The following CLNK variants were observed in gnomAD, a reference collection of about 807,000 sequenced individuals.
CLNK encodes the protein cytokine-dependent hematopoietic cell linker.
In CLNK, 74 loss-of-function variants were observed where a neutral mutation model predicts 68.6. The ratio of observed to expected loss-of-function variants is 1.08; its 90% confidence interval spans 0.89 to 1.31. CLNK has a LOEUF of 1.31. CLNK is among the 50% of genes most tolerant of loss of function. The pLI, the probability that CLNK is intolerant of heterozygous loss-of-function variation, is 0.00. For missense variants in CLNK, 553 were observed against 515.3 expected, an observed-to-expected ratio of 1.07 and a Z score of -0.71; for synonymous variants, 198 against 172.2, an observed-to-expected ratio of 1.15 and a Z score of -1.17.
At chr4:10,525,373 G>A (rs1718268181) in intron 14 of CLNK, among the ~76,000 whole-genome samples, 1 of 152,160 alleles carries the variant, frequency 6.6e-6, no homozygotes, top group South Asian at 2.1e-4. Context: ...CCAAGCCTTG[G>A]CTTCTTTAAC....
the CLNK span, chr4:10,697,499 A>C: frequency 6.6e-6 from 1 of 152,114 alleles, no homozygotes; most frequent in Non-Finnish European, 1.5e-5. Flanking sequence ...GGTCCTTGCA[A>C]GTAGAAGTGC....
At position 10,597,980 on chromosome 4, in the gene CLNK, G is replaced by A. The variant is rs1721447853; in HGVS notation, c.81C>T (p.Asn27=). Residue 27 remains asparagine, a splice_region_variant and synonymous_variant, in exon 3 of 19, where the codon AAC becomes AAT. Coordinates refer to ENST00000226951, the MANE Select transcript of CLNK (RefSeq NM_052964.4). The part of the protein sequence containing the change: ...LKFQNFSLPK[N]RSWPRINSAT... ...AATAAACAAGTAAATATTCTGACCT[G>A]TTTTTTGGCAGACTGAAGTTCTGGA... 1 of 1,573,434 alleles carries A rather than the reference G, an allele frequency of 6.4e-7. No homozygotes were observed. The highest frequency in any genetic ancestry group is 8.7e-7 in the Non-Finnish European group (1 of 1,155,918).
At chr4:10,506,407 G>A (rs904457037) in intron 17 of CLNK, among the ~76,000 whole-genome samples, 12 of 152,160 alleles carry the variant, frequency 7.9e-5, no homozygotes, top group African/African-American at 1.7e-4. Context: ...ACCCAAACCC[G>A]TCCTGAACAT....
the CLNK span, among the ~76,000 whole-genome samples, chr4:10,728,127 A>G: frequency 6.6e-6 from 1 of 152,194 alleles, no homozygotes; most frequent in African/African-American, 2.4e-5. Context: ...GGCCAGGGCT[A>G]CTGCTGAACA....
At chr4:10,628,227 T>C (rs552108044) in intron 2 of CLNK, among the ~76,000 whole-genome samples, 16 of 152,144 alleles carry the variant, frequency 1.1e-4, no homozygotes, top group South Asian at 2.1e-4. Context: ...TTAATAATCT[T>C]CGAAGGCTTA....
At chr4:10,684,213 GA>G (rs1464154960) in intron 1 of CLNK, among the ~76,000 whole-genome samples, 1 of 152,166 alleles carries the variant, frequency 6.6e-6, no homozygotes, top group African/African-American at 2.4e-5. Flanking sequence ...AAAGCAGAAA[GA>G]AAATCGTATT....
chr4:10,699,555 C>A, the CLNK span, among the ~76,000 whole-genome samples: 3 of 132,422 alleles, frequency 2.3e-5, no homozygotes, highest in Non-Finnish European at 3.2e-5. Context: ...TCTTGTTGCC[C>A]AGGCTGGAGC....
chr4:10,675,983 G>A (rs983814637), intron 1 of CLNK, among the ~76,000 whole-genome samples: 1 of 152,040 alleles, frequency 6.6e-6, no homozygotes, highest in African/African-American at 2.4e-5. Flanking sequence ...ATCCAAAATG[G>A]TGAATGATTT....
At chr4:10,535,213 G>GAAAGAAAGAAAGAA (rs1390380873) in intron 11 of CLNK, among the ~76,000 whole-genome samples, 11 of 131,392 alleles carry the variant, frequency 8.4e-5, no homozygotes, top group Admixed American at 5.9e-4. Context: ...AAGAAAGAAA[G>GAAAGAAAGAAAGAA]AGAAAGAAAG....
rs546222858 is a variant in CLNK, at chr4:10,491,874, A to C, written c.1141-1261T>G. Among the ~76,000 whole-genome samples the C allele has an allele frequency of 1.1e-4, 16 of 152,280 alleles. 1 individual carries two copies. In the South Asian group the frequency reaches 3.3e-3, roughly 32 times the overall value. On this transcript the variant is annotated intron_variant, in intron 18 of 18. Coordinates refer to ENST00000226951, the MANE Select transcript of CLNK (RefSeq NM_052964.4). The stretch of plus-strand genomic sequence containing the variant: ...GGGCTTTAGTGTACCCATCACCCAG[A>C]TAATATACATTGTATGTACCCAGTA...
At chr4:10,518,457 TA>T (rs1176815459) in intron 15 of CLNK, among the ~76,000 whole-genome samples, 1 of 152,132 alleles carries the variant, frequency 6.6e-6, no homozygotes, top group Non-Finnish European at 1.5e-5. Flanking sequence ...CATAATTTTA[TA>T]GGAAAAAGAG....
chr4:10,603,012 C>T (rs1036791776), intron 2 of CLNK, among the ~76,000 whole-genome samples: 1 of 152,158 alleles, frequency 6.6e-6, no homozygotes, highest in African/African-American at 2.4e-5. Flanking sequence ...CTTAGTTATT[C>T]CCCTCTAATT....
chr4:10,545,657 C>T, intron 8 of CLNK, among the ~76,000 whole-genome samples: 1 of 152,182 alleles, frequency 6.6e-6, no homozygotes, highest in East Asian at 1.9e-4. Context: ...ACTCCATTAG[C>T]TTCAACACCA....
rs78647320 is a variant in CLNK, at chr4:10,682,050, C to G, written c.-43+2618G>C. Among the ~76,000 whole-genome samples the G allele has an allele frequency of 4.3e-3, 660 of 151,974 alleles. 6 individuals are homozygous for G. Among genetic ancestry groups the G allele is most frequent in the African/African-American group, 0.014 (591 of 41,442 alleles). On this transcript the variant is annotated intron_variant, in intron 1 of 18. Coordinates refer to ENST00000226951, the MANE Select transcript of CLNK (RefSeq NM_052964.4). ...AATAATGATTCCCAAATATTCTGCC[C>G]ATAAGAGTAACAAAAAATAAATAAT...
rs73810306 is a variant in CLNK at position 10,543,167 on chromosome 4, C to A, written c.446-887G>T. On this transcript the variant is annotated intron_variant, in intron 8 of 18. Transcript: ENST00000226951. ...TTAGTGGGTAGACCGGCATTGAAGG[C>A]ATCATGAACAATCTGATAAGGATGT... is the stretch of plus-strand genomic sequence containing the variant. 4.7e-3 allele frequency among the ~76,000 whole-genome samples: 709 copies of A among 152,172 alleles called. 5 individuals carry two copies. The highest frequency in any genetic ancestry group is 0.017 in the African/African-American group (693 of 41,502).
chr4:10,633,317 CTCAAG>C lies in CLNK; in HGVS notation c.11+34537_11+34541del, dbSNP rs536125545. 3.9e-5 allele frequency among the ~76,000 whole-genome samples: 6 copies of C among 152,324 alleles called. No individual in the cohort carries two copies. In the South Asian group the frequency reaches 8.3e-4, roughly 21 times the overall value. On this transcript the variant is annotated intron_variant, in intron 2 of 18. Coordinates refer to ENST00000226951, the MANE Select transcript of CLNK (RefSeq NM_052964.4). ...TTTAAGTTTAGAGAATGTGCATTCT[CTCAAG>C]TCGACAGCGTTATTCTTTGTGCATG...
chr4:10,592,451 C>T (rs1721214808), intron 3 of CLNK, among the ~76,000 whole-genome samples: 1 of 152,066 alleles, frequency 6.6e-6, no homozygotes. Flanking sequence ...CTCTGAGCCT[C>T]CCCCACTTCC....
intron 2 of CLNK, among the ~76,000 whole-genome samples, chr4:10,609,801 G>C (rs1351559771): frequency 6.6e-6 from 1 of 152,128 alleles, no homozygotes; most frequent in Non-Finnish European, 1.5e-5. Context: ...GCATGAAGCT[G>C]GGTGGAAAAA....
chr4:10,572,052 A>G (rs573336277), intron 4 of CLNK, among the ~76,000 whole-genome samples: 3 of 152,374 alleles, frequency 2.0e-5, no homozygotes, highest in South Asian at 4.1e-4. Flanking sequence ...GTAGCAGGTC[A>G]AAATTCCTGT....
Sources: gnomAD v4.1 joint callset for allele counts (sites outside exome capture counted in the v4.1 genomes callset) on GRCh38, gnomAD v4.1.1 for gene constraint, MANE v1.5 for transcripts, NCBI Gene and HGNC (gene_info 2026-07-23, HGNC 2026-07-21) for gene names.